Variants in GMDS observed in about 807,000 individuals in gnomAD.
The protein encoded by GMDS is GDP-mannose 4,6-dehydratase.
In GMDS, 20 loss-of-function variants were observed where a neutral mutation model predicts 49.9. The ratio of observed to expected loss-of-function variants is 0.40; its 90% CI spans 0.28 to 0.58. GMDS has a LOEUF of 0.58. Among genes scored for constraint, GMDS ranks in the 20% least tolerant of loss-of-function variants. GMDS has a pLI of 0.42. For synonymous variants in GMDS, 177 were observed against 178.6 expected (o/e 0.99, Z 0.07); for missense variants, 362 against 481.4 (o/e 0.75, Z 2.32).
At chr6:1,793,918 T>C (rs1451037514) in intron 7 of GMDS, among the ~76,000 whole-genome samples, 1 of 152,218 alleles carries the variant, frequency 6.6e-6, no homozygotes, top group Non-Finnish European at 1.5e-5. Flanking sequence ...TGCTTAGGTC[T>C]ATAGGACAGA....
At chr6:2,108,694 T>G (rs916297226) in intron 4 of GMDS, among the ~76,000 whole-genome samples, 2 of 152,178 alleles carry the variant, frequency 1.3e-5, no homozygotes, top group Non-Finnish European at 2.9e-5. Context: ...CGATATAAAG[T>G]ATCAGAGTCC....
intron 1 of GMDS, among the ~76,000 whole-genome samples, chr6:2,212,599 G>A (rs763937010): frequency 6.7e-6 from 1 of 149,020 alleles, no homozygotes; most frequent in Non-Finnish European, 1.5e-5. Flanking sequence ...AAACTATAAA[G>A]TTATTAAGAA....
At chr6:1,719,622 TA>T (rs10667150) in intron 9 of GMDS, among the ~76,000 whole-genome samples, 198 of 146,444 alleles carry the variant, frequency 1.4e-3, no homozygotes, top group African/African-American at 4.3e-3. Context: ...CTGATTTGTT[TA>T]AAAAAAAAAA....
At chr6:2,039,360 T>A (rs148473849) in intron 4 of GMDS, among the ~76,000 whole-genome samples, 1 of 152,170 alleles carries the variant, frequency 6.6e-6, no homozygotes, top group Non-Finnish European at 1.5e-5. Flanking sequence ...TGGACTAATA[T>A]GGACTTTATG....
chr6:1,746,804 C>T (rs1411553812), intron 7 of GMDS, among the ~76,000 whole-genome samples: 5 of 152,034 alleles, frequency 3.3e-5, no homozygotes, highest in African/African-American at 1.2e-4. Flanking sequence ...CGGGTTCAAG[C>T]GATTCTCCTG....
At chr6:2,140,524 A>G (rs1383221787) in intron 1 of GMDS, among the ~76,000 whole-genome samples, 1 of 152,194 alleles carries the variant, frequency 6.6e-6, no homozygotes, top group Non-Finnish European at 1.5e-5. Context: ...CAACATGCAA[A>G]GCGACCTTGT....
At chr6:2,091,349 A>G (rs150020253) in intron 4 of GMDS, among the ~76,000 whole-genome samples, 215 of 152,320 alleles carry the variant, frequency 1.4e-3, no homozygotes, top group Non-Finnish European at 2.6e-3. Flanking sequence ...AATTCTATCC[A>G]TCCTCTTTGG....
chr6:2,109,797 C>T (rs950349663), intron 4 of GMDS, among the ~76,000 whole-genome samples: 11 of 152,206 alleles, frequency 7.2e-5, no homozygotes, highest in African/African-American at 1.4e-4. Flanking sequence ...TGTAAAGGGC[C>T]GATGGCTGTA....
chr6:1,957,981 T>C (rs1353561006), intron 6 of GMDS, among the ~76,000 whole-genome samples: 3 of 151,984 alleles, frequency 2.0e-5, no homozygotes, highest in Non-Finnish European at 4.4e-5. Context: ...TCGTTTTTTA[T>C]TTTTTTGAGA....
At chr6:1,912,720 GACTGTTTCTAAAA>G (rs1761133583) in intron 7 of GMDS, among the ~76,000 whole-genome samples, 1 of 152,196 alleles carries the variant, frequency 6.6e-6, no homozygotes, top group Admixed American at 6.5e-5. Context: ...ACCTTTTGGT[GACTGTTTCTAAAA>G]ACAAAGATTT....
intron 7 of GMDS, among the ~76,000 whole-genome samples, chr6:1,887,386 G>A (rs1340789444): frequency 2.6e-5 from 4 of 151,952 alleles, no homozygotes; most frequent in Non-Finnish European, 5.9e-5. Context: ...AGTTATCAAC[G>A]TTTCTAGGTA....
chr6:2,185,292 G>A (rs1419517781), intron 1 of GMDS, among the ~76,000 whole-genome samples: 1 of 152,156 alleles, frequency 6.6e-6, no homozygotes, highest in Non-Finnish European at 1.5e-5. Flanking sequence ...CATGCCTGTG[G>A]TCACCGCCAG....
At chr6:1,904,941 G>A (rs1406489185) in intron 7 of GMDS, among the ~76,000 whole-genome samples, 1 of 152,160 alleles carries the variant, frequency 6.6e-6, no homozygotes, top group African/African-American at 2.4e-5. Flanking sequence ...GGGAGATAAT[G>A]GTAGGAAAAA....
chr6:1,755,057 C>A (rs1178434087), intron 7 of GMDS, among the ~76,000 whole-genome samples: 1 of 152,080 alleles, frequency 6.6e-6, no homozygotes, highest in Non-Finnish European at 1.5e-5. Context: ...AGAAAGAAAT[C>A]AAGAGTATTC....
intron 1 of GMDS, among the ~76,000 whole-genome samples, chr6:2,159,056 A>T (rs1777250006): frequency 6.6e-6 from 1 of 152,300 alleles, no homozygotes; most frequent in East Asian, 1.9e-4. Context: ...TTTTTCCTCA[A>T]TTTTTTAGAA....
intron 4 of GMDS, among the ~76,000 whole-genome samples, chr6:2,012,992 G>T (rs1767652378): frequency 6.6e-6 from 1 of 152,082 alleles, no homozygotes; most frequent in African/African-American, 2.4e-5. Context: ...GGGAAAAGCA[G>T]ACACTCAACT....
chr6:2,238,644 C>T (rs1292239520), intron 1 of GMDS, among the ~76,000 whole-genome samples: 5 of 152,070 alleles, frequency 3.3e-5, no homozygotes, highest in African/African-American at 7.2e-5. Flanking sequence ...CAGTGATAGG[C>T]CTTATTATAA....
In GMDS at chr6:2,157,235, C is replaced by T. The variant is rs182158363; in HGVS notation, c.103-32504G>A. Among the ~76,000 whole-genome samples, 40 of 152,276 alleles carry T rather than the reference C, an allele frequency of 2.6e-4. 1 individual carries two copies. The highest frequency in any genetic ancestry group is 9.4e-4 in the African/African-American group (39 of 41,572). On this transcript the variant is annotated intron_variant, in intron 1 of 10. Transcript: ENST00000380815. ...AATTTCAGTATGATTGGGCAGGGGC[C>T]AGAGACTCTGCATGTCTTACAGGCT...
intron 7 of GMDS, among the ~76,000 whole-genome samples, chr6:1,810,143 G>A (rs1290874470): frequency 6.6e-6 from 1 of 152,142 alleles, no homozygotes. Flanking sequence ...TCACATTCCA[G>A]AGGAGAGGGA....
Sources: gnomAD v4.1 joint callset for allele counts (sites outside exome capture counted in the v4.1 genomes callset) on GRCh38, gnomAD v4.1.1 for gene constraint, MANE v1.5 for transcripts, NCBI Gene and HGNC (gene_info 2026-07-23, HGNC 2026-07-21) for gene names.